The following WDCP variants were observed in gnomAD, a reference collection of about 807,000 sequenced individuals.
WDCP encodes WD repeat and coiled coil containing.
A neutral mutation model predicts 41.6 loss-of-function variants in WDCP; 19 were observed. The observed-to-expected ratio is 0.46, with a 90% CI of 0.32 to 0.67. WDCP has a LOEUF of 0.67. WDCP is among the 30% of genes least tolerant of loss of function. The pLI is 0.04. For missense variants in WDCP, 802 were observed against 850.7 expected (o/e 0.94, Z 0.71); for synonymous variants, 302 against 320.8 (o/e 0.94, Z 0.63).
rs756273255 is a variant in WDCP at position 24,038,918 on chromosome 2, T to C, written c.577A>G (p.Arg193Gly). The change falls in exon 2 of 4, where the codon AGG (arginine) becomes GGG (glycine). Residue 193 changes from arginine to glycine, a missense_variant. Physicochemically the swap from Arg to Gly is moderately radical, Grantham distance 125. Coordinates refer to ENST00000295148, the MANE Select transcript of WDCP (RefSeq NM_025203.3). The stretch of plus-strand genomic sequence containing the variant: ...TCAAACACCAGGCAGGAGGAGCACC[T>C]GTGAAGAGTCTTCTGAGCGCTGTCC... ...IWDSAQKTLH[R>G]CSSCLVFDVD... 5 of 1,614,204 alleles carry C rather than the reference T, an allele frequency of 3.1e-6. No homozygotes were observed. In the East Asian group the frequency reaches 1.1e-4, roughly 36 times the overall value.
rs1295125145 is a variant in WDCP at position 24,037,820 on chromosome 2, T to C, written c.1675A>G (p.Lys559Glu). The change falls in exon 2 of 4, where the codon AAG (lysine) becomes GAG (glutamate). Residue 559 changes from lysine to glutamate, a missense_variant. This residue lies in a region of WDCP where 321 missense variants were observed against 305.1 expected (regional missense o/e 1.05). Coordinates refer to ENST00000295148, the MANE Select transcript of WDCP (RefSeq NM_025203.3). ...QSEKETYQLS[K>E]EVEILSRNLV... is the part of the protein sequence containing the mutation. The stretch of plus-strand genomic sequence containing the variant: ...TTCCTAGATAAAATTTCCACTTCCT[T>C]AGACAGCTGATAAGTTTCCTTTTCA... 2 of 1,614,244 alleles carry C rather than the reference T, an allele frequency of 1.2e-6. No homozygotes were observed. Among genetic ancestry groups the C allele is most frequent in the Admixed American group, 3.3e-5 (2 of 60,024 alleles).
In WDCP at chr2:24,031,757, C is replaced by T. The variant is rs1020230007; in HGVS notation, c.1937-595G>A. On this transcript the variant is annotated intron_variant, in intron 3 of 3. Transcript: ENST00000295148. ...AGGAGAATCGCTTGAACCCAGGAGGCGGAGGTTGCAGTGAGCCGAGATCAT... is the reference window on the plus strand; with the variant it reads ...AGGAGAATCGCTTGAACCCAGGAGGTGGAGGTTGCAGTGAGCCGAGATCAT... Among the ~76,000 whole-genome samples the T allele has an allele frequency of 4.0e-5, 6 of 150,932 alleles. No homozygotes were observed. In the East Asian group the frequency reaches 9.8e-4, roughly 25 times the overall value.
intron 3 of WDCP, 70 bp downstream of exon 3, chr2:24,032,759 C>T (rs942209258): frequency 3.4e-5 from 28 of 832,788 alleles, no homozygotes; most frequent in African/African-American, 5.1e-5. Flanking sequence ...TTTTCATTAC[C>T]GGCATAGTTA....
At chr2:24,037,172 A>G (rs1209093812) in intron 2 of WDCP, among the ~76,000 whole-genome samples, 1 of 152,128 alleles carries the variant, frequency 6.6e-6, no homozygotes, top group Non-Finnish European at 1.5e-5. Flanking sequence ...ACAGGCGCCC[A>G]TCACCATGCC....
Position 24,038,400 on chromosome 2 carries a change from C to A in WDCP, c.1095G>T (p.Leu365Phe), listed in dbSNP as rs564999222. The A allele has an allele frequency of 4.6e-5, 74 of 1,614,144 alleles. No homozygotes were observed. In the African/African-American group the frequency reaches 9.2e-4, roughly 20 times the overall value. Reference protein sequence around the residue: ...AVASNTCNIILIYSVIPSSVP... With the variant: ...AVASNTCNIIFIYSVIPSSVP... ...CTGAAGATGGAATGACAGAGTAGAT[C>A]AAAATTATATTACAAGTGTTGGAAG... Residue 365 changes from leucine (L) to phenylalanine (F), a missense_variant, in exon 2 of 4, where the codon TTG (leucine) becomes TTT (phenylalanine). This residue lies in a region of WDCP where 247 missense variants were observed against 240.5 expected (regional missense o/e 1.03). Transcript: ENST00000295148.
chr2:24,031,348 GA>G (rs1663089606), intron 3 of WDCP, among the ~76,000 whole-genome samples, 186 bp from the exon 4 acceptor site: 1 of 152,028 alleles, frequency 6.6e-6, no homozygotes, highest in South Asian at 2.1e-4. Context: ...TCAGGTAGGA[GA>G]AAAAGGGGAA....
At chr2:24,046,758 C>T (rs10207949) in intron 1 of WDCP, among the ~76,000 whole-genome samples, 17,701 of 152,190 alleles carry the variant, frequency 0.12, 1,232 homozygotes, top group South Asian at 0.18. Context: ...AACGAAAAAA[C>T]ATTCATCCAA....
chr2:24,045,851 C>T (rs55788848), intron 1 of WDCP: 23,882 of 151,996 alleles, frequency 0.16, 2,099 homozygotes, highest in South Asian at 0.2. Flanking sequence ...ACTTTGGCAG[C>T]ACATATACTA....
chr2:24,037,946 G>A lies in WDCP; in HGVS notation c.1549C>T (p.Pro517Ser), dbSNP rs781398981. The A allele has an allele frequency of 4.3e-6, 7 of 1,614,048 alleles. No individual in the cohort carries two copies. The African/African-American group carries it at 6.7e-5, about 15-fold the overall frequency. The part of the protein sequence containing the change: ...CDGSIALDAE[P>S]VTQPASLPRH... ...GGCAGCGATGCTGGCTGGGTAACAG[G>A]CTCAGCATCTAGAGCTATGGAGCCA... Residue 517 changes from proline (P) to serine (S), a missense_variant, in exon 2 of 4, where the codon CCT becomes TCT. Transcript: ENST00000295148.
In WDCP at chr2:24,038,090, G is replaced by C. The variant is rs1313826322; in HGVS notation, c.1405C>G (p.Pro469Ala). 2.5e-6 allele frequency: 4 copies of C among 1,614,114 alleles called. No individual in the cohort carries two copies. The highest frequency in any genetic ancestry group is 3.3e-5 in the Admixed American group (2 of 59,990). Residue 469 changes from proline (P) to alanine (A), a missense_variant, in exon 2 of 4, where the codon CCA becomes GCA. Pro to Ala is a conservative substitution (Grantham distance 27). Transcript: ENST00000295148. ...CCTTTGTTTTGGTGACAAAAATCTG[G>C]GGAAAGACTTTCAATTAACTTTTTT... ...NRKKLIESLS[P>A]DFCHQNKGLL... is the part of the protein sequence containing the mutation.
chr2:24,042,820 C>T (rs1478837970), intron 1 of WDCP, among the ~76,000 whole-genome samples: 1 of 151,824 alleles, frequency 6.6e-6, no homozygotes, highest in East Asian at 2.0e-4. Flanking sequence ...ATCACCTGAC[C>T]ATCAGGAGTT....
chr2:24,037,189 A>C (rs1049464749), intron 2 of WDCP, among the ~76,000 whole-genome samples: 2 of 152,156 alleles, frequency 1.3e-5, no homozygotes, highest in Non-Finnish European at 2.9e-5. Context: ...TGCCCAGCTA[A>C]TTTTTATATT....
intron 2 of WDCP, among the ~76,000 whole-genome samples, chr2:24,033,431 AT>A (rs752390143): frequency 3.9e-5 from 6 of 152,178 alleles, no homozygotes; most frequent in Non-Finnish European, 5.9e-5. Flanking sequence ...AAAATAAATG[AT>A]TTGTAAATTT....
At chr2:24,042,168 G>A (rs1184372848) in intron 1 of WDCP, among the ~76,000 whole-genome samples, 3 of 152,194 alleles carry the variant, frequency 2.0e-5, no homozygotes, top group Admixed American at 6.5e-5. Flanking sequence ...TTGGGAGCCC[G>A]AGAAGGGCAG....
In WDCP at chr2:24,038,213, C is replaced by T. The variant is rs757671106; in HGVS notation, c.1282G>A (p.Val428Ile). The T allele has an allele frequency of 1.2e-6, 2 of 1,613,910 alleles. No homozygotes were observed. The highest frequency in any genetic ancestry group is 1.7e-6 in the Non-Finnish European group (2 of 1,180,024). The change falls in exon 2 of 4, where the codon GTT becomes ATT. Residue 428 changes from valine (V) to isoleucine (I), a missense_variant. Physicochemically the swap from Val to Ile is conservative, Grantham distance 29. Around this residue, in one of 5 missense-constraint regions of WDCP, gnomAD observed 247 missense variants for 240.5 expected, o/e 1.03. Transcript: ENST00000295148. ...KSDQYAISLI[V>I]REIMLEEEPS... ...TCTTCTTCCAACATTATTTCTCTAACAATCAAGCTAATGGCATACTGATCA... is the reference window on the plus strand; with the variant it reads ...TCTTCTTCCAACATTATTTCTCTAATAATCAAGCTAATGGCATACTGATCA...
At position 24,038,327 on chromosome 2, in the gene WDCP, C is replaced by T; in HGVS notation, c.1168G>A (p.Gly390Arg). The T allele has an allele frequency of 1.2e-6, 2 of 1,614,178 alleles. No homozygotes were observed. Among genetic ancestry groups the T allele is most frequent in the Non-Finnish European group, 1.7e-6 (2 of 1,180,034 alleles). Reference sequence around the variant, plus strand: ...AGTTGGTCTGTCAAGAAACATATCCCTTTTGGTCTTTCAGTGTTCTCTAAT... The same window carrying T: ...AGTTGGTCTGTCAAGAAACATATCCTTTTTGGTCTTTCAGTGTTCTCTAAT... ...IRLENTERPK[G>R]ICFLTDQLLL... is the part of the protein sequence containing the mutation. Residue 390 changes from glycine (G) to arginine (R), a missense_variant, in exon 2 of 4, where the codon GGG becomes AGG. Around this residue, in one of 5 missense-constraint regions of WDCP, gnomAD observed 247 missense variants for 240.5 expected, o/e 1.03. Coordinates refer to ENST00000295148, the MANE Select transcript of WDCP (RefSeq NM_025203.3).
chr2:24,038,102 C>A lies in WDCP; in HGVS notation c.1393G>T (p.Glu465Ter), dbSNP rs534393069. The A allele has an allele frequency of 1.9e-6, 3 of 1,614,168 alleles. No individual in the cohort carries two copies. Among genetic ancestry groups the A allele is most frequent in the Non-Finnish European group, 2.5e-6 (3 of 1,180,026 alleles). The change falls in exon 2 of 4, where the codon GAA becomes TAA. Residue 465 changes from glutamate (E) to a stop codon, truncating the protein, a stop_gained. Coordinates refer to ENST00000295148, the MANE Select transcript of WDCP (RefSeq NM_025203.3). LOFTEE classifies it high-confidence loss of function. ...TGACAAAAATCTGGGGAAAGACTTT[C>A]AATTAACTTTTTTCTATTTGCTTTA... ...LNKANRKKLI[E>*]SLSPDFCHQN...
chr2:24,037,809 T>G lies in WDCP; in HGVS notation c.1686A>C (p.Glu562Asp), dbSNP rs1298353585. Residue 562 changes from glutamate (E) to aspartate (D), a missense_variant, in exon 2 of 4, where the codon GAA (glutamate) becomes GAC (aspartate). Physicochemically the swap from Glu to Asp is conservative, Grantham distance 45 (BLOSUM62 2). Coordinates refer to ENST00000295148, the MANE Select transcript of WDCP (RefSeq NM_025203.3). ...KETYQLSKEV[E>D]ILSRNLVEMQ... is the part of the protein sequence containing the mutation. Reference sequence around the variant, plus strand: ...TTTCAACCAGGTTCCTAGATAAAATTTCCACTTCCTTAGACAGCTGATAAG... The same window carrying G: ...TTTCAACCAGGTTCCTAGATAAAATGTCCACTTCCTTAGACAGCTGATAAG... The G allele has an allele frequency of 6.2e-7, 1 of 1,614,208 alleles. No individual in the cohort carries two copies. The highest frequency in any genetic ancestry group is 1.1e-5 in the South Asian group (1 of 91,084).
intron 1 of WDCP, among the ~76,000 whole-genome samples, chr2:24,041,600 C>A (rs992332373): frequency 6.6e-6 from 1 of 152,044 alleles, no homozygotes; most frequent in Non-Finnish European, 1.5e-5. Context: ...AAAGTGTAAT[C>A]CCAGCACTTT....
Sources: allele counts gnomAD v4.1 joint callset (sites outside exome capture counted in the v4.1 genomes callset), GRCh38; gene constraint gnomAD v4.1.1; regional missense constraint gnomAD v4.1.1; transcripts MANE v1.5; gene names NCBI Gene and HGNC (gene_info 2026-07-23, HGNC 2026-07-21).